Variants in ARHGEF16 observed in about 807,000 individuals in gnomAD.
ARHGEF16 encodes Rho guanine exchange factor (GEF) 16.
In ARHGEF16, 59 loss-of-function variants were observed where a neutral mutation model predicts 74.1. The ratio of observed to expected loss-of-function variants is 0.80; its 90% CI spans 0.65 to 0.99. ARHGEF16 has a LOEUF of 0.99. Ranked by LOEUF, ARHGEF16 falls within the 50% of genes least tolerant of loss-of-function variation. ARHGEF16 has a pLI of 0.00. For missense variants in ARHGEF16, 948 were observed against 986.6 expected (o/e 0.96, Z 0.52); for synonymous variants, 415 against 412.6 (o/e 1.01, Z -0.07).
intron 11 of ARHGEF16, 98 bp from the exon 12 acceptor site, chr1:3,478,326 A>G (rs1639952069): frequency 7.5e-7 from 1 of 1,336,288 alleles, no homozygotes. Flanking sequence ...CTGCCTCCCC[A>G]CCACTGCAGG....
chr1:3,456,417 T>C (rs1240155198), intron 1 of ARHGEF16, among the ~76,000 whole-genome samples: 6 of 152,208 alleles, frequency 3.9e-5, no homozygotes, highest in African/African-American at 1.4e-4. Flanking sequence ...GCTGCTCCTG[T>C]CCTTAGCACA....
intron 1 of ARHGEF16, among the ~76,000 whole-genome samples, chr1:3,460,488 T>C (rs1368506846): frequency 6.6e-6 from 1 of 152,058 alleles, no homozygotes; most frequent in Non-Finnish European, 1.5e-5. Flanking sequence ...TGGGGCACAG[T>C]GATGTTGTGG....
At position 3,480,664 on chromosome 1, in the gene ARHGEF16, G is replaced by A. The variant is rs1640033764; in HGVS notation, c.*77G>A. The A allele has an allele frequency of 1.3e-6, 2 of 1,540,414 alleles. No homozygotes were observed. The highest frequency in any genetic ancestry group is 2.4e-5 in the South Asian group (2 of 83,144). ...GTCGTGCCTGGCTCTAGAGAGCGTG[G>A]GGAGCTGGTCTCAAGGACCCAGCAT... On this transcript the variant is annotated 3_prime_UTR_variant, in exon 15 of 15. Coordinates refer to ENST00000378378, the MANE Select transcript of ARHGEF16 (RefSeq NM_014448.4).
At chr1:3,467,902 C>T (rs1256823122) in intron 4 of ARHGEF16, among the ~76,000 whole-genome samples, 1 of 152,034 alleles carries the variant, frequency 6.6e-6, no homozygotes, top group Non-Finnish European at 1.5e-5. Context: ...TGGCCGTGGG[C>T]GTGGCGGGCA....
rs1018756691 is a variant in ARHGEF16 at position 3,468,690 on chromosome 1, TTA to T, written c.805-189_805-188del. On this transcript the variant is annotated intron_variant, in intron 4 of 14. Coordinates refer to ENST00000378378, the MANE Select transcript of ARHGEF16 (RefSeq NM_014448.4). ...GAGCGGGGGGCTGACCCAAGGCGGGTTACACAGAGAGGAAGGTGACGGGGATA... is the reference window on the plus strand; with the variant it reads ...GAGCGGGGGGCTGACCCAAGGCGGGTCACAGAGAGGAAGGTGACGGGGATA... 91 of 648,328 alleles carry T rather than the reference TTA, an allele frequency of 1.4e-4. No individual in the cohort carries two copies. In the African/African-American group the frequency reaches 1.6e-3, roughly 11 times the overall value. The allele number at this position is 648,328 out of a possible 1,614,324, so 40.2% of individuals were successfully genotyped here.
intron 14 of ARHGEF16, 21 bp downstream of exon 14, chr1:3,479,934 C>A: frequency 6.2e-7 from 1 of 1,609,594 alleles, no homozygotes; most frequent in Non-Finnish European, 8.5e-7. Context: ...GGGCGTTGGG[C>A]ACAGATGGGT....
At position 3,467,343 on chromosome 1, in the gene ARHGEF16, G is replaced by A. The variant is rs541381691; in HGVS notation, c.804+6G>A. The A allele has an allele frequency of 1.1e-4, 170 of 1,544,824 alleles. 1 individual carries two copies. In the East Asian group the frequency reaches 1.6e-3, roughly 15 times the overall value. On this transcript the variant is annotated splice_donor_region_variant and intron_variant, in intron 4 of 14. Coordinates refer to ENST00000378378, the MANE Select transcript of ARHGEF16 (RefSeq NM_014448.4). ...CCTGGAGCCAGCTCCCAGAGGTAGCGCCGGAGGGTGGGTGAGGCTGCCCCA... is the reference window on the plus strand; with the variant it reads ...CCTGGAGCCAGCTCCCAGAGGTAGCACCGGAGGGTGGGTGAGGCTGCCCCA...
At chr1:3,475,859 T>G (rs1013123298) in intron 9 of ARHGEF16, 111 bp from the exon 10 acceptor site, 49 of 1,076,584 alleles carry the variant, frequency 4.6e-5, no homozygotes, top group Non-Finnish European at 6.3e-5. Flanking sequence ...GGGCAGGCAC[T>G]GTGGGCAGCC....
chr1:3,459,193 G>A (rs1017643062), intron 1 of ARHGEF16, among the ~76,000 whole-genome samples: 1 of 152,048 alleles, frequency 6.6e-6, no homozygotes, highest in Non-Finnish European at 1.5e-5. Context: ...CTCAGTGAAC[G>A]AACACGGACC....
intron 8 of ARHGEF16, chr1:3,474,000 G>T (rs1248315809): frequency 4.6e-5 from 11 of 236,614 alleles, no homozygotes; most frequent in Non-Finnish European, 3.3e-5. Flanking sequence ...GGTGAAAGGT[G>T]TACACACACA....
chr1:3,479,401 C>A, intron 12 of ARHGEF16, 116 bp from the exon 13 acceptor site: 2 of 1,069,026 alleles, frequency 1.9e-6, no homozygotes, highest in Non-Finnish European at 2.6e-6. Flanking sequence ...CTCCTGCCCA[C>A]CCCCACCACC....
chr1:3,455,881 C>G (rs1270337593), intron 1 of ARHGEF16, among the ~76,000 whole-genome samples: 2 of 152,174 alleles, frequency 1.3e-5, no homozygotes, highest in Non-Finnish European at 2.9e-5. Flanking sequence ...AAGATGTTGA[C>G]CCACAAGTGT....
chr1:3,471,377 C>T (rs375278271), intron 6 of ARHGEF16, among the ~76,000 whole-genome samples: 4 of 152,178 alleles, frequency 2.6e-5, no homozygotes, highest in African/African-American at 9.6e-5. Context: ...CCGCCCCTGG[C>T]GAGTCCCACC....
At chr1:3,473,781 T>C in intron 8 of ARHGEF16, 1 of 591,850 alleles carries the variant, frequency 1.7e-6, no homozygotes, top group Non-Finnish European at 2.9e-6. Context: ...TTCATGAGGT[T>C]CAGGCACACT....
Position 3,480,867 on chromosome 1 carries a change from C to T in ARHGEF16, c.*280C>T, listed in dbSNP as rs1640039670. The T allele has an allele frequency of 3.9e-6, 2 of 506,526 alleles. No individual in the cohort carries two copies. Among genetic ancestry groups the T allele is most frequent in the African/African-American group, 1.9e-5 (1 of 51,670 alleles). The allele number at this position is 506,526 out of a possible 1,614,324, so 31.4% of individuals were successfully genotyped here. A position where few individuals can be genotyped will look rare whatever the true frequency, so the allele number is the denominator to read the frequency against. The stretch of plus-strand genomic sequence containing the variant: ...GGCTGGGCCCCTCAGCTGCTGGGCC[C>T]CACCTCCCCACTGCACCCAGGGGGC... On this transcript the variant is annotated 3_prime_UTR_variant, in exon 15 of 15. Transcript: ENST00000378378.
At position 3,467,150 on chromosome 1, in the gene ARHGEF16, C is replaced by T. The variant is rs1639568830; in HGVS notation, c.635-18C>T. On this transcript the variant is annotated intron_variant, in intron 3 of 14. Coordinates refer to ENST00000378378, the MANE Select transcript of ARHGEF16 (RefSeq NM_014448.4). ...TGCAATCCCCCAGGGCCACAGGTTA[C>T]CCTCCTTCTCTCTCTAGACCCCCAG... is the stretch of plus-strand genomic sequence containing the variant. The T allele has an allele frequency of 6.5e-7, 1 of 1,545,958 alleles. No individual in the cohort carries two copies. The highest frequency in any genetic ancestry group is 8.7e-7 in the Non-Finnish European group (1 of 1,143,466).
intron 1 of ARHGEF16, among the ~76,000 whole-genome samples, chr1:3,456,438 C>T (rs1332968907): frequency 2.0e-5 from 3 of 152,200 alleles, no homozygotes; most frequent in African/African-American, 4.8e-5. Flanking sequence ...GGGGACCATC[C>T]GTCTGGAGCA....
At chr1:3,466,595 C>T (rs1453776621) in intron 3 of ARHGEF16, among the ~76,000 whole-genome samples, 6 of 152,178 alleles carry the variant, frequency 3.9e-5, no homozygotes, top group Non-Finnish European at 8.8e-5. Context: ...GTTGGGGCCT[C>T]CAGCATGGGT....
intron 14 of ARHGEF16, 43 bp downstream of exon 14, chr1:3,479,956 G>A: frequency 6.3e-7 from 1 of 1,593,654 alleles, no homozygotes; most frequent in East Asian, 2.2e-5. Context: ...GGAACGGACA[G>A]GCGGGCGTGA....
Sources: allele counts gnomAD v4.1 joint callset (sites outside exome capture counted in the v4.1 genomes callset), GRCh38; gene constraint gnomAD v4.1.1; transcripts MANE v1.5; gene names NCBI Gene and HGNC (gene_info 2026-07-23, HGNC 2026-07-21).